The following CFAP61 variants were observed in gnomAD, a reference collection of about 807,000 sequenced individuals.
CFAP61 encodes cilia and flagella associated protein 61, also known as cilia- and flagella-associated protein 61.
Under a neutral mutation model 135.6 loss-of-function variants are expected in CFAP61, and 107 were observed. The ratio of observed to expected loss-of-function variants is 0.79; its 90% CI spans 0.67 to 0.93. The LOEUF is 0.93. Among genes scored for constraint, CFAP61 ranks in the 40% least tolerant of loss-of-function variants. The pLI is 0.00. For synonymous variants in CFAP61, 575 were observed against 578.5 expected (o/e 0.99, Z 0.09); for missense variants, 1,507 against 1,556.2 (o/e 0.97, Z 0.53).
intron 18 of CFAP61, among the ~76,000 whole-genome samples, chr20:20,239,900 T>G (rs1354082530): frequency 1.3e-5 from 2 of 152,116 alleles, no homozygotes; most frequent in African/African-American, 4.8e-5. Context: ...GATGGTGAAC[T>G]AAGGCAGTGT....
intron 17 of CFAP61, among the ~76,000 whole-genome samples, chr20:20,225,033 C>T (rs1285879970): frequency 6.6e-6 from 1 of 152,142 alleles, no homozygotes; most frequent in East Asian, 1.9e-4. Flanking sequence ...TGGCTTGACT[C>T]ATAGGATCTT....
intron 8 of CFAP61, among the ~76,000 whole-genome samples, chr20:20,131,593 G>A (rs1267920275): frequency 6.6e-6 from 1 of 151,822 alleles, no homozygotes; most frequent in East Asian, 1.9e-4. Flanking sequence ...CTTTTGGCTT[G>A]TTTGATCCTT....
At chr20:20,230,266 A>G (rs2049030718) in intron 18 of CFAP61, among the ~76,000 whole-genome samples, 1 of 152,248 alleles carries the variant, frequency 6.6e-6, no homozygotes, top group South Asian at 2.1e-4. Context: ...TACACAGATT[A>G]CGTACACTAA....
At position 20,241,753 on chromosome 20, in the gene CFAP61, G is replaced by A. The variant is rs115564692; in HGVS notation, c.2061-4364G>A. On this transcript the variant is annotated intron_variant, in intron 18 of 26. Transcript: ENST00000245957. The stretch of plus-strand genomic sequence containing the variant: ...ATCTATCATATAGCACCCAAAGCTG[G>A]GGTAAATTTTAACTGCTTGTGAGTA... Among the ~76,000 whole-genome samples the A allele has an allele frequency of 2.3e-3, 344 of 152,056 alleles. 2 individuals carry two copies. Among genetic ancestry groups the A allele is most frequent in the African/African-American group, 8.1e-3 (337 of 41,474 alleles).
intron 17 of CFAP61, among the ~76,000 whole-genome samples, chr20:20,209,154 G>T (rs1354672562): frequency 1.3e-5 from 2 of 152,204 alleles, no homozygotes; most frequent in African/African-American, 2.4e-5. Flanking sequence ...AGGCCACACA[G>T]CTGCTAAGTC....
In CFAP61 at chr20:20,359,802, C is replaced by CA. The variant is rs891191218; in HGVS notation, c.3514-400dup. Among the ~76,000 whole-genome samples the CA allele has an allele frequency of 3.3e-5, 5 of 151,932 alleles. No individual in the cohort carries two copies. The highest frequency in any genetic ancestry group is 6.5e-5 in the Admixed American group (1 of 15,268). Reference sequence around the variant, plus strand: ...TATGCTAAGTGATATAAGCCAGTCACAAAAAAAAGTACTACAGGGTTCCAC... The same window carrying CA: ...TATGCTAAGTGATATAAGCCAGTCACAAAAAAAAAGTACTACAGGGTTCCAC... On this transcript the variant is annotated intron_variant, in intron 26 of 26. Transcript: ENST00000245957. This position sits in a 1 kb window ranked among gnomAD's most constrained non-coding sequence, Gnocchi z 4.0.
chr20:20,111,267 A>G (rs1035373695), intron 8 of CFAP61, among the ~76,000 whole-genome samples: 2 of 152,212 alleles, frequency 1.3e-5, no homozygotes, highest in Non-Finnish European at 2.9e-5. Flanking sequence ...GAGATTAGGA[A>G]TCTCAAACTG....
chr20:20,158,654 T>G (rs889850683), intron 9 of CFAP61, among the ~76,000 whole-genome samples: 3 of 152,146 alleles, frequency 2.0e-5, no homozygotes, highest in Non-Finnish European at 2.9e-5. Flanking sequence ...AAAGAATAAA[T>G]ACTATTTGAT....
At chr20:20,089,592 A>AT in intron 6 of CFAP61, among the ~76,000 whole-genome samples, 1 of 152,100 alleles carries the variant, frequency 6.6e-6, no homozygotes, top group Non-Finnish European at 1.5e-5. Context: ...TCAGAGAAAA[A>AT]AAAAAAAAAG....
intron 2 of CFAP61, among the ~76,000 whole-genome samples, chr20:20,063,030 C>T (rs929785734): frequency 6.6e-6 from 1 of 151,962 alleles, no homozygotes; most frequent in Non-Finnish European, 1.5e-5. Context: ...TATGGGGTCC[C>T]AGAAAAGTTT....
intron 4 of CFAP61, 80 bp from the exon 5 acceptor site, chr20:20,075,109 A>G: frequency 7.6e-7 from 1 of 1,311,448 alleles, no homozygotes; most frequent in Non-Finnish European, 1.1e-6. Flanking sequence ...CTTTTTAGTG[A>G]CAGCATTTGT....
chr20:20,146,883 A>G (rs144697917), intron 9 of CFAP61, among the ~76,000 whole-genome samples: 1 of 152,274 alleles, frequency 6.6e-6, no homozygotes, highest in African/African-American at 2.4e-5. Flanking sequence ...ACTGTACCCA[A>G]TATGCAGTCT....
intron 26 of CFAP61, among the ~76,000 whole-genome samples, chr20:20,348,690 A>C (rs976764679): frequency 3.5e-4 from 8 of 23,146 alleles, no homozygotes; most frequent in Non-Finnish European, 5.8e-4. Context: ...ACTCCGTATC[A>C]AAAAAAAAAA....
intron 8 of CFAP61, among the ~76,000 whole-genome samples, chr20:20,103,815 A>G (rs755449628): frequency 5.9e-5 from 9 of 152,188 alleles, no homozygotes; most frequent in Non-Finnish European, 1.0e-4. Flanking sequence ...TTGAGCTGGC[A>G]ATTTTCTTGA....
chr20:20,170,081 C>T (rs1442274900), intron 13 of CFAP61, among the ~76,000 whole-genome samples: 1 of 152,180 alleles, frequency 6.6e-6, no homozygotes, highest in African/African-American at 2.4e-5. Context: ...AAAACTGCAA[C>T]TGTGATGGGA....
chr20:20,318,110 G>A (rs1189459422), intron 25 of CFAP61, among the ~76,000 whole-genome samples: 1 of 152,282 alleles, frequency 6.6e-6, no homozygotes, highest in East Asian at 1.9e-4. Flanking sequence ...GTCAATCGTT[G>A]CCCTCAGGAC....
At chr20:20,266,433 C>G (rs1012711548) in intron 21 of CFAP61, among the ~76,000 whole-genome samples, 2 of 152,220 alleles carry the variant, frequency 1.3e-5, no homozygotes, top group African/African-American at 4.8e-5. Context: ...CTCAGTGTCA[C>G]TTGTATCCAG....
intron 13 of CFAP61, among the ~76,000 whole-genome samples, chr20:20,177,116 A>C (rs1267966358): frequency 6.6e-6 from 1 of 151,962 alleles, no homozygotes; most frequent in African/African-American, 2.4e-5. Flanking sequence ...TTTTGGTTAG[A>C]TTTGTACGAA....
chr20:20,145,980 A>G (rs1275152289), intron 9 of CFAP61, among the ~76,000 whole-genome samples: 1 of 152,268 alleles, frequency 6.6e-6, no homozygotes, highest in African/African-American at 2.4e-5. Context: ...TTTTAATGAC[A>G]GTGTTGACCA....
Sources: gnomAD v4.1 joint callset for allele counts (sites outside exome capture counted in the v4.1 genomes callset) on GRCh38, gnomAD v4.1.1 for gene constraint, Gnocchi (gnomAD v3.1) non-coding constraint, MANE v1.5 for transcripts, NCBI Gene and HGNC (gene_info 2026-07-23, HGNC 2026-07-21) for gene names.